The following TNS3 variants were observed in gnomAD, a reference collection of about 807,000 sequenced individuals.
TNS3 encodes the protein tensin 3, also known as tensin-3.
A neutral mutation model predicts 140.9 loss-of-function variants in TNS3; 45 were observed. That is an observed-to-expected ratio of 0.32 (90% CI 0.25 to 0.41). TNS3 has a LOEUF of 0.41. Ranked by LOEUF, TNS3 falls within the 10% of genes least tolerant of loss-of-function variation. The pLI is 1.00. For synonymous variants in TNS3, 815 were observed against 788.4 expected (o/e 1.03, Z -0.56); for missense variants, 1,716 against 1,906.7 (o/e 0.90, Z 1.86).
intron 20 of TNS3, among the ~76,000 whole-genome samples, chr7:47,319,471 C>A (rs927296883): frequency 6.6e-6 from 1 of 152,078 alleles, no homozygotes; most frequent in Non-Finnish European, 1.5e-5. Flanking sequence ...AATCAGTTCT[C>A]GTGTGAACTA....
intron 3 of TNS3, among the ~76,000 whole-genome samples, chr7:47,489,160 AC>A (rs1797718831): frequency 6.6e-6 from 1 of 151,884 alleles, no homozygotes; most frequent in African/African-American, 2.4e-5. Context: ...ATGAGAAAAC[AC>A]CCGCCCGGCA....
chr7:47,283,766 G>A lies in TNS3; in HGVS notation c.4028C>T (p.Pro1343Leu). 1 of 1,611,896 alleles carries A rather than the reference G, an allele frequency of 6.2e-7. No individual in the cohort carries two copies. Among genetic ancestry groups the A allele is most frequent in the Non-Finnish European group, 8.5e-7 (1 of 1,178,960 alleles). ...GAAGTGCACAACTGTGGACACAGGT[G>A]GAGGCTCCTGGACCAGGGTGATGCT... ...ALSITLVQEP[P>L]PVSTVVHFKV... The change falls in exon 28 of 31, where the codon CCA becomes CTA. Residue 1343 changes from proline (P) to leucine (L), a missense_variant. By Grantham distance (98) the Pro-to-Leu change is moderately conservative. Coordinates refer to ENST00000311160, the MANE Select transcript of TNS3 (RefSeq NM_022748.12).
chr7:47,351,332 G>GACC (rs1789659618), intron 17 of TNS3, among the ~76,000 whole-genome samples: 1 of 152,200 alleles, frequency 6.6e-6, no homozygotes, highest in Non-Finnish European at 1.5e-5. Flanking sequence ...ATGCTCAGAG[G>GACC]AGATGTGGAA....
At position 47,428,476 on chromosome 7, in the gene TNS3, C is replaced by A. The variant is rs1165563869; in HGVS notation, c.325-100G>T. On this transcript the variant is annotated intron_variant, in intron 8 of 30. Transcript: ENST00000311160. ...CACTAGTGGACAAAACAATAGAGAG[C>A]CTGCTTTGGTGGTAAGGCCAGCATT... 5.6e-6 allele frequency: 5 copies of A among 887,402 alleles called. No homozygotes were observed. The East Asian group carries it at 1.5e-4, about 27-fold the overall frequency. The allele number at this position is 887,402 out of a possible 1,614,324, so 55.0% of individuals were successfully genotyped here.
At position 47,344,955 on chromosome 7, in the gene TNS3, T is replaced by G. The variant is rs780325105; in HGVS notation, c.2535A>C (p.Pro845=). ...LSSKESMCST[P]AFPVSPETPY... ...GTGTCTCTGGAGACACAGGAAATGC[T>G]GGAGTTGAACACATGGACTCCTTGC... The change falls in exon 19 of 31, where the codon CCA becomes CCC. Residue 845 remains proline (P), a synonymous_variant. Transcript: ENST00000311160. 4 of 1,614,144 alleles carry G rather than the reference T, an allele frequency of 2.5e-6. No individual in the cohort carries two copies. In the East Asian group the frequency reaches 8.9e-5, roughly 36 times the overall value.
chr7:47,329,144 T>C (rs1030395779), intron 20 of TNS3, among the ~76,000 whole-genome samples: 3 of 152,140 alleles, frequency 2.0e-5, no homozygotes, highest in Admixed American at 6.5e-5. Flanking sequence ...TGGCAGAACA[T>C]AGGGGCCTGT....
At chr7:47,575,643 G>A (rs1212022897) in intron 1 of TNS3, among the ~76,000 whole-genome samples, 3 of 151,806 alleles carry the variant, frequency 2.0e-5, no homozygotes, top group Admixed American at 6.6e-5. Context: ...GTGAAACCCC[G>A]TCTCTACTAA....
At chr7:47,331,858 G>T (rs1227395587) in intron 20 of TNS3, among the ~76,000 whole-genome samples, 1 of 152,198 alleles carries the variant, frequency 6.6e-6, no homozygotes, top group Non-Finnish European at 1.5e-5. Flanking sequence ...AATTTAAACA[G>T]ACAACAAGGT....
At chr7:47,564,834 G>GCT (rs1202452856) in intron 1 of TNS3, among the ~76,000 whole-genome samples, 13 of 151,574 alleles carry the variant, frequency 8.6e-5, no homozygotes, top group African/African-American at 3.1e-4. Flanking sequence ...TCCTCATTCA[G>GCT]CTCTCAGTTT....
chr7:47,526,811 C>T (rs1354275042), intron 2 of TNS3, among the ~76,000 whole-genome samples: 2 of 152,254 alleles, frequency 1.3e-5, no homozygotes, highest in African/African-American at 4.8e-5. Flanking sequence ...CGGATCAACA[C>T]CAGGCCCTGA....
intron 23 of TNS3, among the ~76,000 whole-genome samples, chr7:47,301,682 T>C (rs1786409838): frequency 6.6e-6 from 1 of 150,766 alleles, no homozygotes; most frequent in Non-Finnish European, 1.5e-5. Flanking sequence ...AGAGATGCTC[T>C]GTCTGGTTTG....
chr7:47,548,182 G>A (rs1799971876), intron 1 of TNS3, among the ~76,000 whole-genome samples: 1 of 152,168 alleles, frequency 6.6e-6, no homozygotes, highest in African/African-American at 2.4e-5. Flanking sequence ...TTATAGGGGT[G>A]AGTCACCACC....
chr7:47,379,755 AC>A (rs1791634064), intron 16 of TNS3, among the ~76,000 whole-genome samples: 1 of 151,856 alleles, frequency 6.6e-6, no homozygotes, highest in Non-Finnish European at 1.5e-5. Context: ...AACCCAAATC[AC>A]CCTCTGAGCT....
chr7:47,412,889 G>T (rs1793854905), intron 12 of TNS3, among the ~76,000 whole-genome samples: 1 of 152,182 alleles, frequency 6.6e-6, no homozygotes, highest in African/African-American at 2.4e-5. Flanking sequence ...ATCTAGAGAT[G>T]ATTTAAAGTA....
At chr7:47,401,431 C>T (rs1292153943) in intron 13 of TNS3, among the ~76,000 whole-genome samples, 5 of 152,134 alleles carry the variant, frequency 3.3e-5, no homozygotes, top group Non-Finnish European at 7.3e-5. Flanking sequence ...TGATTATGTG[C>T]ATGCTGTAAT....
At position 47,304,987 on chromosome 7, in the gene TNS3, A is replaced by C; in HGVS notation, c.2667T>G (p.Pro889=). 3.7e-6 allele frequency: 5 copies of C among 1,361,246 alleles called. No homozygotes were observed. The highest frequency in any genetic ancestry group is 2.8e-5 in the East Asian group (1 of 36,256). The allele number at this position is 1,361,246 out of a possible 1,614,324, so 84.3% of individuals were successfully genotyped here. ...HKGGREPRSC[P]ETLTHAVGMS... is the part of the protein sequence containing the mutation. ...TCCCCACAGCGTGAGTGAGCGTCTC[A>C]GGGCAGCTTCGTGGTTCTGTAGCGG... Residue 889 remains proline (P), a synonymous_variant, in exon 21 of 31, where the codon CCT becomes CCG. Transcript: ENST00000311160.
rs1796002241 is a variant in TNS3, at chr7:47,451,304, GCACAGTGGCT to G, written c.-75-9259_-75-9250del. On this transcript the variant is annotated intron_variant, in intron 4 of 30. Transcript: ENST00000311160. The stretch of plus-strand genomic sequence containing the variant: ...TCTGTAAAAAGAAACAAAAGGCCAG[GCACAGTGGCT>G]CACGTCTGTAATCCCAGCATTTTGG... 2.0e-5 allele frequency among the ~76,000 whole-genome samples: 3 copies of G among 152,190 alleles called. No individual in the cohort carries two copies. The South Asian group carries it at 6.2e-4, about 31-fold the overall frequency.
intron 6 of TNS3, 65 bp from the exon 7 acceptor site, chr7:47,437,378 T>A: frequency 1.4e-6 from 1 of 707,380 alleles, no homozygotes; most frequent in Non-Finnish European, 2.0e-6. Flanking sequence ...ATTAATACTT[T>A]AATTTTTATT....
chr7:47,518,463 G>C (rs567572262), intron 2 of TNS3, among the ~76,000 whole-genome samples: 11 of 152,296 alleles, frequency 7.2e-5, no homozygotes, highest in Admixed American at 6.5e-4. Context: ...AACTCTTGAA[G>C]TTTTCATCCC....
Sources: allele counts gnomAD v4.1 joint callset (sites outside exome capture counted in the v4.1 genomes callset), GRCh38; gene constraint gnomAD v4.1.1; transcripts MANE v1.5; gene names NCBI Gene and HGNC (gene_info 2026-07-23, HGNC 2026-07-21).